The following ATXN7L1 variants were observed in gnomAD, a reference collection of about 807,000 sequenced individuals.
ATXN7L1 encodes ataxin 7 like 1, also known as ataxin-7-like protein 1.
In ATXN7L1, 15 loss-of-function variants were observed where a neutral mutation model predicts 70.8. That is an observed-to-expected ratio of 0.21 (90% CI 0.14 to 0.33). ATXN7L1 has a LOEUF of 0.33. Ranked by LOEUF, ATXN7L1 falls within the 10% of genes least tolerant of loss-of-function variation. The pLI, the probability that ATXN7L1 is intolerant of heterozygous loss-of-function variation, is 1.00. For missense variants in ATXN7L1, 975 were observed against 1,097.1 expected (o/e 0.89, Z 1.57); for synonymous variants, 440 against 445.1 (o/e 0.99, Z 0.14).
chr7:105,691,528 TAGA>T (rs1790835629), intron 3 of ATXN7L1: 2 of 152,024 alleles, frequency 1.3e-5, no homozygotes, highest in South Asian at 2.1e-4. Flanking sequence ...AACATCCTGC[TAGA>T]AGAAGAAATG....
intron 7 of ATXN7L1, among the ~76,000 whole-genome samples, chr7:105,634,760 C>T (rs1161535701): frequency 6.6e-6 from 1 of 151,982 alleles, no homozygotes. Context: ...GTAGAAACAG[C>T]ACAGGGACAA....
intron 3 of ATXN7L1, among the ~76,000 whole-genome samples, chr7:105,772,264 G>A (rs1053347828): frequency 6.6e-6 from 1 of 151,866 alleles, no homozygotes; most frequent in African/African-American, 2.4e-5. Context: ...AGTGGAGATG[G>A]GGTTTCACCA....
At chr7:105,786,724 A>G (rs1804360718) in intron 3 of ATXN7L1, among the ~76,000 whole-genome samples, 1 of 151,952 alleles carries the variant, frequency 6.6e-6, no homozygotes. Flanking sequence ...TATGTTGCCC[A>G]GGCTGGTCTC....
intron 2 of ATXN7L1, among the ~76,000 whole-genome samples, chr7:105,869,236 A>C (rs1817902845): frequency 6.6e-6 from 1 of 152,222 alleles, no homozygotes; most frequent in African/African-American, 2.4e-5. Flanking sequence ...GTAACGCCAA[A>C]GTGAACAAAT....
intron 2 of ATXN7L1, among the ~76,000 whole-genome samples, chr7:105,858,678 G>A (rs189999974): frequency 3.9e-5 from 6 of 152,238 alleles, no homozygotes; most frequent in Non-Finnish European, 8.8e-5. Flanking sequence ...ACCCCTGGAT[G>A]GGATGCTTAA....
At chr7:105,671,448 C>T (rs959662075) in intron 3 of ATXN7L1, among the ~76,000 whole-genome samples, 10 of 152,092 alleles carry the variant, frequency 6.6e-5, no homozygotes, top group South Asian at 6.2e-4. Flanking sequence ...AATATAAGCA[C>T]CACTCACCTA....
intron 3 of ATXN7L1, among the ~76,000 whole-genome samples, chr7:105,696,700 C>T (rs987776409): frequency 7.9e-5 from 12 of 152,234 alleles, no homozygotes; most frequent in Non-Finnish European, 1.8e-4. Context: ...AGTTCCACCA[C>T]AAACCAGACA....
At chr7:105,688,071 T>C (rs1790195441) in intron 3 of ATXN7L1, among the ~76,000 whole-genome samples, 1 of 152,214 alleles carries the variant, frequency 6.6e-6, no homozygotes, top group Non-Finnish European at 1.5e-5. Flanking sequence ...GAAGGAATGC[T>C]GAACAACTGA....
At chr7:105,619,140 G>GTTTTATTTTTTT (rs1794382228) in intron 9 of ATXN7L1, among the ~76,000 whole-genome samples, 2 of 49,844 alleles carry the variant, frequency 4.0e-5, no homozygotes, top group Admixed American at 4.0e-4. Flanking sequence ...GAAATCTTTA[G>GTTTTATTTTTTT]TTTTTTTTTT....
chr7:105,673,460 G>C (rs1426706207), intron 3 of ATXN7L1, among the ~76,000 whole-genome samples: 1 of 152,226 alleles, frequency 6.6e-6, no homozygotes, highest in Admixed American at 6.5e-5. Flanking sequence ...CTTGGGCTTA[G>C]GCCAGCACCT....
intron 3 of ATXN7L1, among the ~76,000 whole-genome samples, chr7:105,724,573 CAAAA>C (rs573733959): frequency 3.9e-4 from 31 of 80,474 alleles, no homozygotes; most frequent in African/African-American, 6.0e-4. Context: ...GACTCTGTCT[CAAAA>C]AAAAAAAAAA....
chr7:105,705,473 T>A (rs893997790), intron 3 of ATXN7L1, among the ~76,000 whole-genome samples: 2 of 152,206 alleles, frequency 1.3e-5, no homozygotes, highest in African/African-American at 2.4e-5. Context: ...GCCTTCCGGT[T>A]CTTTTACTTT....
intron 2 of ATXN7L1, among the ~76,000 whole-genome samples, chr7:105,860,952 G>A (rs80105234): frequency 0.011 from 1,630 of 152,320 alleles, 20 homozygotes; most frequent in South Asian, 0.034. Flanking sequence ...GGAGGTGCGA[G>A]ATTTGGGGGC....
intron 4 of ATXN7L1, among the ~76,000 whole-genome samples, chr7:105,656,221 G>C (rs1158940867): frequency 6.6e-6 from 1 of 152,242 alleles, no homozygotes; most frequent in Non-Finnish European, 1.5e-5. Flanking sequence ...CTGGTCCCAT[G>C]GCTGAGCAGG....
intron 3 of ATXN7L1, among the ~76,000 whole-genome samples, chr7:105,724,391 T>C (rs1795551651): frequency 1.3e-5 from 2 of 151,210 alleles, no homozygotes; most frequent in Admixed American, 6.6e-5. Flanking sequence ...CTGGCCAACG[T>C]GGCAAAACCC....
chr7:105,740,693 C>G (rs1020202326), intron 3 of ATXN7L1, among the ~76,000 whole-genome samples: 26 of 151,758 alleles, frequency 1.7e-4, no homozygotes, highest in Non-Finnish European at 3.5e-4. Context: ...CAACATCCAC[C>G]TTAGCAGCTT....
intron 3 of ATXN7L1, among the ~76,000 whole-genome samples, chr7:105,754,484 A>G (rs1357630349): frequency 2.0e-5 from 3 of 151,576 alleles, no homozygotes; most frequent in Non-Finnish European, 4.4e-5. Context: ...CGTGGTCTAC[A>G]TCGTGCAGCA....
chr7:105,710,401 CTTTTTT>C (rs34003989), intron 3 of ATXN7L1, among the ~76,000 whole-genome samples: 7,963 of 78,418 alleles, frequency 0.1, 301 homozygotes, highest in East Asian at 0.23. Context: ...GTGCCATGCA[CTTTTTT>C]TTTTTTTTTT....
rs201134422 is a variant in ATXN7L1 at position 105,761,433 on chromosome 7, C to T, written c.355+27171G>A. 20 of 1,614,114 alleles carry T rather than the reference C, an allele frequency of 1.2e-5. No individual in the cohort carries two copies. In the East Asian group the frequency reaches 4.2e-4, roughly 34 times the overall value. On this transcript the variant is annotated intron_variant, in intron 3 of 11. Coordinates refer to ENST00000419735, the MANE Select transcript of ATXN7L1 (RefSeq NM_020725.2). ...GCTCTCTGGTCCACTCCTGGAGATGCCTTCATTTCTCCTGTTGTCTTGCTT... is the reference window on the plus strand; with the variant it reads ...GCTCTCTGGTCCACTCCTGGAGATGTCTTCATTTCTCCTGTTGTCTTGCTT...
Sources: gnomAD v4.1 joint callset for allele counts (sites outside exome capture counted in the v4.1 genomes callset) on GRCh38, gnomAD v4.1.1 for gene constraint, MANE v1.5 for transcripts, NCBI Gene and HGNC (gene_info 2026-07-23, HGNC 2026-07-21) for gene names.